The following ZSCAN18 variants were observed in gnomAD, a reference collection of about 807,000 sequenced individuals.
The protein encoded by ZSCAN18 is zinc finger and SCAN domain-containing protein 18.
A neutral mutation model predicts 31.1 loss-of-function variants in ZSCAN18; 16 were observed. The ratio of observed to expected loss-of-function variants is 0.51; its 90% CI spans 0.35 to 0.78. The LOEUF is 0.78. Among genes scored for constraint, ZSCAN18 ranks in the 30% least tolerant of loss-of-function variants. The pLI is 0.01. For synonymous variants in ZSCAN18, 375 were observed against 320.7 expected, an observed-to-expected ratio of 1.17 and a Z score of -1.81; for missense variants, 731 against 697.4, an observed-to-expected ratio of 1.05 and a Z score of -0.54.
At chr19:58,086,086 G>T in intron 6 of ZSCAN18, 88 bp downstream of exon 6, 1 of 1,103,932 alleles carries the variant, frequency 9.1e-7, no homozygotes, top group East Asian at 2.4e-5. Flanking sequence ...GTCTTTGCTG[G>T]GGCTGATGGC....
chr19:58,114,761 A>G (rs1410388963), intron 1 of ZSCAN18, among the ~76,000 whole-genome samples: 2 of 152,198 alleles, frequency 1.3e-5, no homozygotes, highest in African/African-American at 4.8e-5. Flanking sequence ...GGTGATGGGC[A>G]TTCATGATAC....
chr19:58,099,662 A>C (rs991506713), upstream of ZSCAN18, among the ~76,000 whole-genome samples: 1 of 152,230 alleles, frequency 6.6e-6, no homozygotes, highest in Admixed American at 6.5e-5. Context: ...TGTTGTAAGA[A>C]GCTGCCACAC....
chr19:58,116,195 C>A (rs2074728797), intron 1 of ZSCAN18, among the ~76,000 whole-genome samples: 1 of 147,102 alleles, frequency 6.8e-6, no homozygotes, highest in Non-Finnish European at 1.5e-5. Context: ...AAGGAAAAAA[C>A]TCTAAAAAAA....
chr19:58,106,977 C>T (rs1262377228), intron 1 of ZSCAN18, among the ~76,000 whole-genome samples: 2 of 151,446 alleles, frequency 1.3e-5, no homozygotes, highest in African/African-American at 2.4e-5. Context: ...GTTGGTCAGG[C>T]TTGTCTCGAA....
chr19:58,099,964 GTTTTTT>G (rs55769261), upstream of ZSCAN18, among the ~76,000 whole-genome samples: 1 of 136,114 alleles, frequency 7.3e-6, no homozygotes, highest in Non-Finnish European at 1.6e-5. Flanking sequence ...TGAAAGCTAT[GTTTTTT>G]TTTTTTTTGA....
intron 1 of ZSCAN18, among the ~76,000 whole-genome samples, chr19:58,104,652 G>A (rs1291318804): frequency 1.3e-5 from 2 of 151,952 alleles, no homozygotes; most frequent in African/African-American, 2.4e-5. Flanking sequence ...GCAGTGAGCC[G>A]AGATCATGCC....
intron 1 of ZSCAN18, among the ~76,000 whole-genome samples, chr19:58,104,398 AAAAC>A (rs983077350): frequency 3.2e-5 from 4 of 123,670 alleles, no homozygotes; most frequent in East Asian, 2.1e-4. Context: ...AAAACAAAAC[AAAAC>A]AAAAAAAAAG....
chr19:58,095,370 G>A (rs189075620), intron 1 of ZSCAN18, among the ~76,000 whole-genome samples: 29 of 152,316 alleles, frequency 1.9e-4, no homozygotes, highest in African/African-American at 6.3e-4. Context: ...ACCACATGCA[G>A]CCCCAAGGTG....
At chr19:58,094,285 C>T (rs750741435) in intron 1 of ZSCAN18, among the ~76,000 whole-genome samples, 1 of 151,664 alleles carries the variant, frequency 6.6e-6, no homozygotes, top group Non-Finnish European at 1.5e-5. Context: ...GTGGCAGGCG[C>T]CCGTAGTCCC....
intron 1 of ZSCAN18, among the ~76,000 whole-genome samples, chr19:58,115,924 T>C (rs1416569605): frequency 6.6e-6 from 1 of 151,596 alleles, no homozygotes; most frequent in Non-Finnish European, 1.5e-5. Flanking sequence ...AAAGCACTGG[T>C]GGAAACGCTG....
intron 1 of ZSCAN18, 99 bp downstream of exon 1, chr19:58,098,075 T>G (rs368974344): frequency 1.0e-6 from 1 of 985,516 alleles, no homozygotes; most frequent in Non-Finnish European, 1.2e-6. Context: ...GGGAACACCC[T>G]GGCCCCTTTC....
chr19:58,118,374 G>A, exon 1 of ZSCAN18: 2 of 1,532,350 alleles, frequency 1.3e-6, no homozygotes, highest in South Asian at 1.2e-5. Flanking sequence ...GTCCTCGTCA[G>A]CTCGCCCTCC....
intron 1 of ZSCAN18, among the ~76,000 whole-genome samples, chr19:58,091,331 G>C (rs183761512): frequency 2.2e-4 from 34 of 151,582 alleles, no homozygotes; most frequent in Admixed American, 2.0e-3. Flanking sequence ...GGAGCTAGGT[G>C]TCAAGACTGT....
In ZSCAN18 at chr19:58,084,781, C is replaced by T. The variant is rs911144762; in HGVS notation, c.1437G>A (p.Pro479=). The change falls in exon 7 of 7, where the codon CCG becomes CCA. Residue 479 remains proline, a synonymous_variant. Coordinates refer to ENST00000601144, the MANE Select transcript of ZSCAN18 (RefSeq NM_001145543.2). This position sits in a 1 kb window ranked among gnomAD's most constrained non-coding sequence, Gnocchi z 4.5. ...YALGGARGPQ[P]STREAQAGAR... ...CCCCCGCCTGGGCTTCGCGGGTGGA[C>T]GGTTGGGGGCCCCGGGCGCCCCCCA... 3 of 1,575,866 alleles carry T rather than the reference C, an allele frequency of 1.9e-6. No homozygotes were observed. Among genetic ancestry groups the T allele is most frequent in the Non-Finnish European group, 2.6e-6 (3 of 1,167,910 alleles).
chr19:58,108,559 T>C (rs1268699804), intron 1 of ZSCAN18: 24 of 985,896 alleles, frequency 2.4e-5, no homozygotes, highest in Admixed American at 6.2e-5. Context: ...GTTGTAATTC[T>C]TAGAGAGGGA....
intron 1 of ZSCAN18, chr19:58,093,299 T>C (rs2255571): frequency 0.94 from 143,858 of 152,292 alleles, 68,408 homozygotes; most frequent in Non-Finnish European, 1. Context: ...GTGTGGACTG[T>C]GCAAACAGTG....
rs374086957 is a variant in ZSCAN18 at position 58,089,302 on chromosome 19, CAAAAAAAAAAAAAAAAAA to C, written c.404-483_404-466del. Among the ~76,000 whole-genome samples the C allele has an allele frequency of 5.3e-4, 24 of 45,298 alleles. No individual in the cohort carries two copies. In the East Asian group the frequency reaches 0.02, roughly 37 times the overall value. The allele number at this position is 45,298 out of a possible 152,430, so 29.7% of individuals were successfully genotyped here. On this transcript the variant is annotated intron_variant, in intron 2 of 6. Transcript: ENST00000601144. ...TGGGCGACAGAGCGAGACTCCGTCTCAAAAAAAAAAAAAAAAAAAAAAAAAAAAAAAAAAAAGAGGCTG... is the reference window on the plus strand; with the variant it reads ...TGGGCGACAGAGCGAGACTCCGTCTCAAAAAAAAAAAAAAAAAAGAGGCTG...
At chr19:58,101,918 A>T (rs12982505), upstream of ZSCAN18, among the ~76,000 whole-genome samples, 4 of 151,710 alleles carry the variant, frequency 2.6e-5, no homozygotes, top group Non-Finnish European at 2.9e-5. Context: ...ATTTCACATA[A>T]CTTTTTTCTT....
chr19:58,111,248 C>T (rs2074681091), intron 1 of ZSCAN18, among the ~76,000 whole-genome samples: 1 of 152,176 alleles, frequency 6.6e-6, no homozygotes, highest in Admixed American at 6.6e-5. Context: ...TGGCCCTGAA[C>T]TCCATGTGAG....
Sources: allele counts gnomAD v4.1 joint callset (sites outside exome capture counted in the v4.1 genomes callset), GRCh38; gene constraint gnomAD v4.1.1; non-coding constraint Gnocchi (gnomAD v3.1); transcripts MANE v1.5; gene names NCBI Gene and HGNC (gene_info 2026-07-23, HGNC 2026-07-21).